Variants in ACAP1 observed in about 807,000 individuals in gnomAD.
The protein encoded by ACAP1 is arf-GAP with coiled-coil, ANK repeat and PH domain-containing protein 1.
Under a neutral mutation model 98.8 loss-of-function variants are expected in ACAP1, and 45 were observed. That is an observed-to-expected ratio of 0.46 (90% CI 0.36 to 0.58). The LOEUF is 0.58. Ranked by LOEUF, ACAP1 falls within the 20% of genes least tolerant of loss-of-function variation. The probability of loss-of-function intolerance (pLI) is 0.00; values close to 1 mark genes in which losing one functional copy is unlikely to be tolerated. For missense variants in ACAP1, 735 were observed against 971.4 expected, an observed-to-expected ratio of 0.76 and a Z score of 3.24; for synonymous variants, 362 against 375.3, an observed-to-expected ratio of 0.96 and a Z score of 0.41.
In ACAP1 at chr17:7,348,000, G is replaced by T. The variant is rs11650405; in HGVS notation, c.1413+9G>T. 1.2e-6 allele frequency: 2 copies of T among 1,614,076 alleles called. No homozygotes were observed. The highest frequency in any genetic ancestry group is 2.7e-5 in the African/African-American group (2 of 74,942). On this transcript the variant is annotated intron_variant, in intron 15 of 21. Transcript: ENST00000158762. ...AGCCAGAACTAGTGAAGGTAACTTA[G>T]CGTATTGTGAAGATTGGGGGCAAGA...
At position 7,349,019 on chromosome 17, in the gene ACAP1, G is replaced by A. The variant is rs750114870; in HGVS notation, c.1703G>A (p.Ser568Asn). The change falls in exon 18 of 22, where the codon AGC (serine) becomes AAC (asparagine). Residue 568 changes from serine (S) to asparagine (N), a missense_variant. Ser to Asn is a conservative substitution (Grantham distance 46). This residue lies in a region of ACAP1 where 80 missense variants were observed against 64.4 expected (regional missense o/e 1.24). Coordinates refer to ENST00000158762, the MANE Select transcript of ACAP1 (RefSeq NM_014716.4). ...KPEPPSEDLG[S>N]LHPGALLFRA... ...GAGCCCCCCTCTGAGGACCTGGGAA[G>A]CCTGCACCCTGGGGCCCTACTGTTT... The A allele has an allele frequency of 6.2e-7, 1 of 1,613,578 alleles. No homozygotes were observed. The highest frequency in any genetic ancestry group is 8.5e-7 in the Non-Finnish European group (1 of 1,179,952).
chr17:7,347,897 T>G, intron 14 of ACAP1, 25 bp from the exon 15 acceptor site: 1 of 1,608,072 alleles, frequency 6.2e-7, no homozygotes. Context: ...GCACAGGGCC[T>G]GACCCTCCCC....
chr17:7,348,099 T>C, intron 15 of ACAP1, 28 bp from the exon 16 acceptor site: 11 of 1,613,408 alleles, frequency 6.8e-6, no homozygotes, highest in Non-Finnish European at 9.3e-6. Flanking sequence ...ACCTTCCCTG[T>C]CTCTGCCTCT....
chr17:7,351,467 C>A lies in ACAP1; in HGVS notation c.*72C>A. 8.6e-7 allele frequency: 1 copy of A among 1,156,496 alleles called. No individual in the cohort carries two copies. Among genetic ancestry groups the A allele is most frequent in the Non-Finnish European group, 1.2e-6 (1 of 801,286 alleles). 71.6% of individuals were successfully genotyped at this position (1,156,496 alleles called of 1,614,324 possible). The stretch of plus-strand genomic sequence containing the variant: ...GCCCTCTGCCATTAAAGCCTCCGTG[C>A]TTCGCTCTTCCCTTCTGGTTCACTT... On this transcript the variant is annotated 3_prime_UTR_variant, in exon 22 of 22. Coordinates refer to ENST00000158762, the MANE Select transcript of ACAP1 (RefSeq NM_014716.4).
chr17:7,336,639 C>G lies in ACAP1; in HGVS notation c.-96C>G, dbSNP rs868499148. The stretch of plus-strand genomic sequence containing the variant: ...CCGCGGAGGTCCCTCTCCTCCTTCC[C>G]CCTCATCTCCCCTTCCTGGGACAGA... On this transcript the variant is annotated 5_prime_UTR_variant, in exon 1 of 22. Coordinates refer to ENST00000158762, the MANE Select transcript of ACAP1 (RefSeq NM_014716.4). The G allele has an allele frequency of 7.5e-7, 1 of 1,338,148 alleles. No individual in the cohort carries two copies. The highest frequency in any genetic ancestry group is 1.1e-6 in the Non-Finnish European group (1 of 933,394). 82.9% of individuals were successfully genotyped at this position (1,338,148 alleles called of 1,614,324 possible). A position where few individuals can be genotyped will look rare whatever the true frequency, so the allele number is the denominator to read the frequency against.
In ACAP1 at chr17:7,336,720, A is replaced by G. The variant is rs2073223023; in HGVS notation, c.-15A>G. ...GGCCTCCAGGGCCCGCTGGCCCCAC[A>G]GCAGGCAAGCTGAGATGACGGTCAA... On this transcript the variant is annotated 5_prime_UTR_variant, in exon 1 of 22. Coordinates refer to ENST00000158762, the MANE Select transcript of ACAP1 (RefSeq NM_014716.4). The G allele has an allele frequency of 6.2e-7, 1 of 1,613,654 alleles. No homozygotes were observed.
rs974314790 is a variant in ACAP1 at position 7,345,809 on chromosome 17, C to G, written c.855-435C>G. 3 of 174,126 alleles carry G rather than the reference C, an allele frequency of 1.7e-5. 1 individual carries two copies. In the South Asian group the frequency reaches 3.6e-4, roughly 21 times the overall value. 10.8% of individuals were successfully genotyped at this position (174,126 alleles called of 1,614,324 possible). A position where few individuals can be genotyped will look rare whatever the true frequency, so the allele number is the denominator to read the frequency against. On this transcript the variant is annotated intron_variant, in intron 10 of 21. Coordinates refer to ENST00000158762, the MANE Select transcript of ACAP1 (RefSeq NM_014716.4). ...GTGGGATTATAGCCGCCTGCCACCA[C>G]GCCTGGCTAATTTTTGTATTTTTAG...
At chr17:7,348,757 A>C in intron 17 of ACAP1, 1 of 583,818 alleles carries the variant, frequency 1.7e-6, no homozygotes, top group Non-Finnish European at 3.0e-6. Flanking sequence ...GCTGAGGCCA[A>C]GTGTGGTTGG....
intron 2 of ACAP1, 92 bp downstream of exon 2, chr17:7,337,461 G>A (rs1042358784): frequency 8.4e-7 from 1 of 1,184,276 alleles, no homozygotes; most frequent in African/African-American, 1.5e-5. Flanking sequence ...TGCATCCCAG[G>A]GATTATTGAA....
intron 5 of ACAP1, chr17:7,342,759 T>A (rs2143016655): frequency 4.3e-5 from 19 of 441,688 alleles, no homozygotes; most frequent in Middle Eastern, 6.4e-4. Context: ...AAAAAAAAAA[T>A]TAGCCGGGCA....
intron 2 of ACAP1, 57 bp from the exon 3 acceptor site, chr17:7,341,891 G>A (rs992700942): frequency 1.2e-6 from 2 of 1,604,264 alleles, no homozygotes; most frequent in South Asian, 1.1e-5. Context: ...AGGTGTGGGG[G>A]CATCACCAGG....
chr17:7,347,498 T>G (rs1019788357), intron 14 of ACAP1: 1 of 518,140 alleles, frequency 1.9e-6, no homozygotes, highest in Non-Finnish European at 3.4e-6. Context: ...TTGGAAGAAG[T>G]GTGGGGTCAA....
Position 7,350,275 on chromosome 17 carries a change from T to G in ACAP1, c.2072+38T>G. 1.3e-5 allele frequency: 18 copies of G among 1,436,316 alleles called. No homozygotes were observed. The highest frequency in any genetic ancestry group is 2.3e-5 in the South Asian group (2 of 86,974). The allele number at this position is 1,436,316 out of a possible 1,614,324, so 89.0% of individuals were successfully genotyped here. A position where few individuals can be genotyped will look rare whatever the true frequency, so the allele number is the denominator to read the frequency against. ...GAAGGGGCGGGGCTGGCGCTGGGAC[T>G]CCCCCCACCCCCGCCCACCCACGTT... On this transcript the variant is annotated intron_variant, in intron 20 of 21. Transcript: ENST00000158762. The surrounding 1 kb of genome is among the most constrained non-coding windows in gnomAD (Gnocchi z 4.6).
intron 10 of ACAP1, chr17:7,345,658 T>A (rs1035563717): frequency 6.6e-6 from 1 of 151,738 alleles, no homozygotes; most frequent in Non-Finnish European, 1.5e-5. Flanking sequence ...TTCTTTTTCT[T>A]TTTTTTTCTT....
rs1233667639 is a variant in ACAP1, at chr17:7,348,193, G to T, written c.1480G>T (p.Val494Leu). ...TGAGGCCCGCGTGGAGGCCATGGCA[G>T]TGAAGAAACCAGGGCCCAGCTGCTC... is the stretch of plus-strand genomic sequence containing the variant. Reference protein sequence around the residue: ...IYEARVEAMAVKKPGPSCSRQ... With the variant: ...IYEARVEAMALKKPGPSCSRQ... The change falls in exon 16 of 22, where the codon GTG becomes TTG. Residue 494 changes from valine to leucine, a missense_variant. Physicochemically the swap from Val to Leu is conservative, Grantham distance 32. This residue lies in a region of ACAP1 where 81 missense variants were observed against 132.0 expected (regional missense o/e 0.61). Transcript: ENST00000158762. 1 of 1,614,058 alleles carries T rather than the reference G, an allele frequency of 6.2e-7. No homozygotes were observed. Among genetic ancestry groups the T allele is most frequent in the Non-Finnish European group, 8.5e-7 (1 of 1,179,936 alleles).
Position 7,347,965 on chromosome 17 carries a change from G to C in ACAP1, c.1387G>C (p.Asp463His). The C allele has an allele frequency of 1.9e-6, 3 of 1,614,218 alleles. No homozygotes were observed. The highest frequency in any genetic ancestry group is 1.7e-6 in the Non-Finnish European group (2 of 1,180,026). The stretch of plus-strand genomic sequence containing the variant: ...CTCCAAAGTCCGGTCTCTGACCCTT[G>C]ACTCATGGGAGCCAGAACTAGTGAA... The part of the protein sequence containing the change: ...HFSKVRSLTL[D>H]SWEPELVKLM... Residue 463 changes from aspartate to histidine, a missense_variant, in exon 15 of 22, where the codon GAC becomes CAC. Physicochemically the swap from Asp to His is moderately conservative, Grantham distance 81. Coordinates refer to ENST00000158762, the MANE Select transcript of ACAP1 (RefSeq NM_014716.4).
In ACAP1 at chr17:7,349,989, C is replaced by A. The variant is rs1175780491; in HGVS notation, c.1896C>A (p.Asn632Lys). Reference sequence around the variant, plus strand: ...AGTTTCTCCTCCAGAACGGGGCGAACGTGAACCAAGCGGACAGTGCGGGCC... The same window carrying A: ...AGTTTCTCCTCCAGAACGGGGCGAAAGTGAACCAAGCGGACAGTGCGGGCC... ...ACEFLLQNGANVNQADSAGRG... is the reference protein window; with the variant it reads ...ACEFLLQNGAKVNQADSAGRG... The change falls in exon 19 of 22, where the codon AAC becomes AAA. Residue 632 changes from asparagine to lysine, a missense_variant. By Grantham distance (94) the Asn-to-Lys change is moderately conservative (BLOSUM62 0). Transcript: ENST00000158762. 1.2e-6 allele frequency: 2 copies of A among 1,613,410 alleles called. No homozygotes were observed. The highest frequency in any genetic ancestry group is 2.2e-5 in the East Asian group (1 of 44,824).
rs891584642 is a variant in ACAP1, at chr17:7,343,183, A to G, written c.345-196A>G. On this transcript the variant is annotated intron_variant, in intron 5 of 21. Coordinates refer to ENST00000158762, the MANE Select transcript of ACAP1 (RefSeq NM_014716.4). The surrounding 1 kb of genome is among the most constrained non-coding windows in gnomAD (Gnocchi z 4.9). The stretch of plus-strand genomic sequence containing the variant: ...AAACCAGCCCTGCTGCCCTCTTCCC[A>G]TGGCCACAGGAGCCTCCCCAGTGAC... The G allele has an allele frequency of 3.7e-6, 2 of 545,410 alleles. No individual in the cohort carries two copies. Among genetic ancestry groups the G allele is most frequent in the Admixed American group, 3.4e-5 (1 of 29,562 alleles). The allele number at this position is 545,410 out of a possible 1,614,324, so 33.8% of individuals were successfully genotyped here.
At position 7,336,654 on chromosome 17, in the gene ACAP1, C is replaced by T. The variant is rs569505955; in HGVS notation, c.-81C>T. On this transcript the variant is annotated 5_prime_UTR_variant, in exon 1 of 22. Transcript: ENST00000158762. ...TCCTCCTTCCCCCTCATCTCCCCTT[C>T]CTGGGACAGAAAGTGCCTCCACCTG... 6.7e-7 allele frequency: 1 copy of T among 1,486,310 alleles called. No individual in the cohort carries two copies. The highest frequency in any genetic ancestry group is 1.4e-5 in the African/African-American group (1 of 72,628). The allele number at this position is 1,486,310 out of a possible 1,614,324, so 92.1% of individuals were successfully genotyped here. A position where few individuals can be genotyped will look rare whatever the true frequency, so the allele number is the denominator to read the frequency against.
Sources: gnomAD v4.1 joint callset for allele counts on GRCh38, gnomAD v4.1.1 for gene constraint, gnomAD v4.1.1 regional missense constraint, Gnocchi (gnomAD v3.1) non-coding constraint, MANE v1.5 for transcripts, NCBI Gene and HGNC (gene_info 2026-07-23, HGNC 2026-07-21) for gene names.